The following SMG9 variants were observed in gnomAD, a reference collection of about 807,000 sequenced individuals.
The protein encoded by SMG9 is nonsense-mediated mRNA decay factor SMG9.
A neutral mutation model predicts 64.0 loss-of-function variants in SMG9; 55 were observed. The ratio of observed to expected loss-of-function variants is 0.86; its 90% CI spans 0.69 to 1.08. SMG9 has a LOEUF of 1.08. Ranked by LOEUF, SMG9 falls within the 50% of genes least tolerant of loss-of-function variation. The probability of loss-of-function intolerance (pLI) is 0.00; values close to 1 mark genes in which losing one functional copy is unlikely to be tolerated. For synonymous variants in SMG9, 244 were observed against 254.8 expected (o/e 0.96, Z 0.41); for missense variants, 554 against 681.3 (o/e 0.81, Z 2.08).
chr19:43,733,878 G>T, intron 10 of SMG9, 145 bp from the exon 11 acceptor site: 1 of 649,836 alleles, frequency 1.5e-6, no homozygotes, highest in Non-Finnish European at 2.7e-6. Context: ...TTTAGCACCA[G>T]GCTCTGTGTA....
At chr19:43,739,094 A>G (rs756836894) in intron 7 of SMG9, among the ~76,000 whole-genome samples, 13 of 152,228 alleles carry the variant, frequency 8.5e-5, no homozygotes, top group Non-Finnish European at 1.6e-4. Flanking sequence ...GTGGGAACAG[A>G]CACGGTGGCA....
Position 43,731,303 on chromosome 19 carries a change from C to G in SMG9, c.*293G>C, listed in dbSNP as rs190072355. ...AAAGGAGGTCAAGATGGAGCCCGGG[C>G]TTCCTGGTGACCATTCAGACTCCTC... On this transcript the variant is annotated 3_prime_UTR_variant, in exon 14 of 14. Coordinates refer to ENST00000270066, the MANE Select transcript of SMG9 (RefSeq NM_019108.4). The G allele has an allele frequency of 8.4e-7, 1 of 1,197,046 alleles. No homozygotes were observed. The highest frequency in any genetic ancestry group is 1.6e-5 in the African/African-American group (1 of 63,614). The allele number at this position is 1,197,046 out of a possible 1,614,324, so 74.2% of individuals were successfully genotyped here.
At chr19:43,740,033 G>A (rs534508518) in intron 7 of SMG9, 74 bp downstream of exon 7, 46 of 1,069,822 alleles carry the variant, frequency 4.3e-5, no homozygotes, top group Non-Finnish European at 6.7e-5. Flanking sequence ...GCAGGGTTCT[G>A]GCTTAATCAC....
At chr19:43,735,876 G>A (rs78310538) in intron 9 of SMG9, among the ~76,000 whole-genome samples, 3,063 of 152,302 alleles carry the variant, frequency 0.02, 44 homozygotes, top group South Asian at 0.035. Context: ...GTGCCGGCCT[G>A]AGCCAATACT....
chr19:43,737,447 A>G, intron 9 of SMG9, 150 bp downstream of exon 9: 2 of 616,530 alleles, frequency 3.2e-6, no homozygotes, highest in Non-Finnish European at 5.6e-6. Flanking sequence ...CAGTGCTTTG[A>G]GGGGGAGGTT....
intron 13 of SMG9, chr19:43,732,643 TGGCTG>T (rs1356211208): frequency 1.7e-6 from 1 of 599,918 alleles, no homozygotes; most frequent in Non-Finnish European, 2.9e-6. Context: ...TACATGATGC[TGGCTG>T]ATTAGGAGGA....
intron 10 of SMG9, 57 bp downstream of exon 10, chr19:43,734,332 T>C (rs1322114872): frequency 2.9e-6 from 4 of 1,399,014 alleles, no homozygotes; most frequent in Non-Finnish European, 4.0e-6. Context: ...TGCTCCTGAC[T>C]TTCAGCCCCT....
intron 6 of SMG9, among the ~76,000 whole-genome samples, chr19:43,741,715 T>C (rs1600201889): frequency 6.6e-6 from 1 of 152,196 alleles, no homozygotes; most frequent in South Asian, 2.1e-4. Context: ...GCATTGCCCA[T>C]GCCAGTCCCT....
intron 11 of SMG9, 23 bp downstream of exon 11, chr19:43,733,603 G>T (rs141654703): frequency 1.9e-6 from 3 of 1,612,122 alleles, no homozygotes; most frequent in Admixed American, 1.7e-5. Context: ...GACTAGCTTG[G>T]GGGGTGATGT....
rs1600184058 is a variant in SMG9, at chr19:43,729,073, T to G, written c.*2523A>C. 1 of 981,958 alleles carries G rather than the reference T, an allele frequency of 1.0e-6. No individual in the cohort carries two copies. Among genetic ancestry groups the G allele is most frequent in the Non-Finnish European group, 1.2e-6 (1 of 826,952 alleles). 60.8% of individuals were successfully genotyped at this position (981,958 alleles called of 1,614,324 possible). A position where few individuals can be genotyped will look rare whatever the true frequency, so the allele number is the denominator to read the frequency against. ...TGCTGGATGTAAAGGGGGTGGCGGGTGACCGGTACATACTTACCCACTGTT... is the reference window on the plus strand; with the variant it reads ...TGCTGGATGTAAAGGGGGTGGCGGGGGACCGGTACATACTTACCCACTGTT... On this transcript the variant is annotated 3_prime_UTR_variant, in exon 14 of 14. Coordinates refer to ENST00000270066, the MANE Select transcript of SMG9 (RefSeq NM_019108.4).
At chr19:43,732,363 G>GCT in intron 13 of SMG9, 1 of 166,774 alleles carries the variant, frequency 6.0e-6, no homozygotes, top group Non-Finnish European at 1.3e-5. Flanking sequence ...GCCGGGCCAA[G>GCT]TGAAAGCAGG....
At chr19:43,749,571 G>A (rs1415450609) in intron 2 of SMG9, among the ~76,000 whole-genome samples, 1 of 152,210 alleles carries the variant, frequency 6.6e-6, no homozygotes, top group African/African-American at 2.4e-5. Flanking sequence ...GCAAGTAAGA[G>A]CCCAGCTCAC....
At chr19:43,737,793 G>A (rs1968721090) in intron 8 of SMG9, 111 bp from the exon 9 acceptor site, 5 of 1,023,892 alleles carry the variant, frequency 4.9e-6, no homozygotes, top group Non-Finnish European at 5.9e-6. Flanking sequence ...GAGCCTTCAA[G>A]CAGCTACTGT....
intron 5 of SMG9, among the ~76,000 whole-genome samples, chr19:43,745,942 G>T (rs758558131): frequency 2.0e-5 from 3 of 151,378 alleles, no homozygotes; most frequent in Non-Finnish European, 4.4e-5. Flanking sequence ...CGGGGGTTGC[G>T]GTGAGCCGAG....
At chr19:43,751,929 A>C (rs577659546) in intron 1 of SMG9, among the ~76,000 whole-genome samples, 1 of 152,310 alleles carries the variant, frequency 6.6e-6, no homozygotes, top group African/African-American at 2.4e-5. Context: ...ACATAAATAA[A>C]CTCACAGGGG....
rs760661425 is a variant in SMG9 at position 43,733,440 on chromosome 19, AT to A, written c.1222del (p.Met408CysfsTer63). 6.2e-7 allele frequency: 1 copy of A among 1,614,032 alleles called. No individual in the cohort carries two copies. The highest frequency in any genetic ancestry group is 1.1e-5 in the South Asian group (1 of 91,080). On this transcript the variant is annotated frameshift_variant, in exon 12 of 14. Transcript: ENST00000270066. LOFTEE classifies it high-confidence loss of function. ...SHLRYKGTLSMLQCNVFPGLP... is the reference protein window; with the variant it reads ...SHLRYKGTLSXLQCNVFPGLP... ...CCCCGGGAAGACATTGCATTGTAAC[AT>A]GGACAGAGTTCCTGGAGGAGAAAAC... is the stretch of plus-strand genomic sequence containing the variant.
At chr19:43,744,286 C>T (rs1968932382) in intron 6 of SMG9, among the ~76,000 whole-genome samples, 1 of 152,178 alleles carries the variant, frequency 6.6e-6, no homozygotes, top group African/African-American at 2.4e-5. Flanking sequence ...AGATCTCTTT[C>T]CCCACTCTAT....
At chr19:43,753,540 G>A (rs943589638) in intron 1 of SMG9, among the ~76,000 whole-genome samples, 4 of 149,018 alleles carry the variant, frequency 2.7e-5, no homozygotes, top group South Asian at 2.1e-4. Context: ...AGCTGGCTGC[G>A]GCCTCTGCCT....
At chr19:43,747,326 C>T (rs1969046101) in intron 5 of SMG9, 116 bp downstream of exon 5, 3 of 909,546 alleles carry the variant, frequency 3.3e-6, no homozygotes, top group African/African-American at 1.6e-5. Context: ...ATACCACCCC[C>T]TCTCACTGCT....
Sources: gnomAD v4.1 joint callset for allele counts (sites outside exome capture counted in the v4.1 genomes callset) on GRCh38, gnomAD v4.1.1 for gene constraint, MANE v1.5 for transcripts, NCBI Gene and HGNC (gene_info 2026-07-23, HGNC 2026-07-21) for gene names.